The following UGDH variants were observed in gnomAD, a reference collection of about 807,000 sequenced individuals.
UGDH encodes UDP-Glc dehydrogenase.
Under a neutral mutation model 50.6 loss-of-function variants are expected in UGDH, and 38 were observed. That is an observed-to-expected ratio of 0.75 (90% CI 0.58 to 0.98). The LOEUF (loss-of-function observed/expected upper bound fraction) is 0.98, where lower values mean the gene tolerates loss of function less well. Among genes scored for constraint, UGDH ranks in the 50% least tolerant of loss-of-function variants. The pLI, the probability that UGDH is intolerant of heterozygous loss-of-function variation, is 0.00. For missense variants in UGDH, 465 were observed against 606.2 expected, an observed-to-expected ratio of 0.77 and a Z score of 2.45; for synonymous variants, 168 against 199.9, an observed-to-expected ratio of 0.84 and a Z score of 1.35.
intron 7 of UGDH, among the ~76,000 whole-genome samples, chr4:39,507,616 T>C (rs372244075): frequency 6.6e-6 from 1 of 152,066 alleles, no homozygotes; most frequent in African/African-American, 2.4e-5. Flanking sequence ...CGTTATAATA[T>C]AGGTTCTTAT....
chr4:39,524,434 T>C (rs1329928662), intron 1 of UGDH, among the ~76,000 whole-genome samples: 1 of 152,174 alleles, frequency 6.6e-6, no homozygotes, highest in Non-Finnish European at 1.5e-5. Context: ...TGAAGACTTC[T>C]GTGTAAATAG....
intron 2 of UGDH, among the ~76,000 whole-genome samples, chr4:39,515,493 T>G (rs944146783): frequency 1.1e-4 from 12 of 107,362 alleles, no homozygotes; most frequent in Non-Finnish European, 4.1e-5. Context: ...AAGGAACCCT[T>G]TTATTTAAAA....
chr4:39,509,721 A>G (rs982252575), intron 6 of UGDH, 39 bp downstream of exon 6: 1 of 1,584,450 alleles, frequency 6.3e-7, no homozygotes, highest in Non-Finnish European at 8.5e-7. Context: ...TCAGTAAATA[A>G]ACACTAGCTC....
chr4:39,506,586 A>AT (rs1375928408), intron 7 of UGDH, among the ~76,000 whole-genome samples: 2 of 152,194 alleles, frequency 1.3e-5, no homozygotes, highest in African/African-American at 4.8e-5. Flanking sequence ...CACCACAACT[A>AT]TTTGACAAGG....
intron 2 of UGDH, among the ~76,000 whole-genome samples, chr4:39,519,032 T>G (rs1364971316): frequency 6.6e-5 from 10 of 152,164 alleles, no homozygotes; most frequent in Admixed American, 6.5e-4. Context: ...TTCTCTCGCC[T>G]CAGCCTCCTG....
intron 1 of UGDH, among the ~76,000 whole-genome samples, chr4:39,524,084 T>C (rs1038848535): frequency 1.3e-5 from 2 of 152,298 alleles, no homozygotes; most frequent in East Asian, 1.9e-4. Flanking sequence ...TTAAACCCAG[T>C]ATATCTAGAA....
intron 6 of UGDH, among the ~76,000 whole-genome samples, chr4:39,509,442 T>C (rs764259031): frequency 6.6e-6 from 1 of 152,156 alleles, no homozygotes; most frequent in Admixed American, 6.5e-5. Flanking sequence ...TCCAATAAAA[T>C]TTATTTACAA....
intron 10 of UGDH, among the ~76,000 whole-genome samples, chr4:39,504,216 G>A (rs1237580187): frequency 6.6e-6 from 1 of 151,938 alleles, no homozygotes; most frequent in African/African-American, 2.4e-5. Flanking sequence ...GCTGAGGCAG[G>A]AGAATGGCGT....
intron 11 of UGDH, among the ~76,000 whole-genome samples, chr4:39,501,718 G>GT (rs1299627039): frequency 1.3e-5 from 2 of 152,178 alleles, no homozygotes; most frequent in East Asian, 3.8e-4. Context: ...AAGGGTCGTG[G>GT]TAAGTATTAA....
chr4:39,499,456 T>C lies in UGDH; in HGVS notation c.*687A>G. ...ATATCTTTAATGACAAACAAACCAA[T>C]AACCAGGAGGAATGAAGACTGTCCT... On this transcript the variant is annotated 3_prime_UTR_variant, in exon 12 of 12. Coordinates refer to ENST00000316423, the MANE Select transcript of UGDH (RefSeq NM_003359.4). The C allele has an allele frequency of 6.6e-6, 1 of 152,162 alleles. No individual in the cohort carries two copies. The highest frequency in any genetic ancestry group is 1.9e-4 in the East Asian group (1 of 5,196). The allele number at this position is 152,162 out of a possible 1,614,324, so 9.4% of individuals were successfully genotyped here. A position where few individuals can be genotyped will look rare whatever the true frequency, so the allele number is the denominator to read the frequency against.
intron 11 of UGDH, among the ~76,000 whole-genome samples, chr4:39,500,535 G>T (rs1745757607): frequency 6.6e-6 from 1 of 151,896 alleles, no homozygotes; most frequent in African/African-American, 2.4e-5. Flanking sequence ...ACTGTCTTTA[G>T]AAACATGTAT....
chr4:39,520,845 G>A (rs145217440), intron 2 of UGDH, among the ~76,000 whole-genome samples: 64 of 151,664 alleles, frequency 4.2e-4, no homozygotes, highest in African/African-American at 8.7e-4. Flanking sequence ...AGGCCGGGGC[G>A]GGCAGATCAC....
chr4:39,500,262 A>G lies in UGDH; in HGVS notation c.1375-9T>C, dbSNP rs748182710. ...TTGCCAATTGTTTCAATCTGAAAAA[A>G]AAATAAAATTTAAGAGAACTATTAA... On this transcript the variant is annotated splice_polypyrimidine_tract_variant and intron_variant, in intron 11 of 11. Coordinates refer to ENST00000316423, the MANE Select transcript of UGDH (RefSeq NM_003359.4). The G allele has an allele frequency of 1.9e-6, 3 of 1,540,256 alleles. No homozygotes were observed. In the African/African-American group the frequency reaches 4.1e-5, roughly 21 times the overall value.
intron 1 of UGDH, among the ~76,000 whole-genome samples, chr4:39,524,381 T>A (rs1196603471): frequency 6.6e-6 from 1 of 152,210 alleles, no homozygotes; most frequent in African/African-American, 2.4e-5. Context: ...GATTATTAAT[T>A]GAATGAATGA....
Position 39,500,117 on chromosome 4 carries a change from AAAAT to A in UGDH, c.*22_*25del. On this transcript the variant is annotated 3_prime_UTR_variant, in exon 12 of 12. Coordinates refer to ENST00000316423, the MANE Select transcript of UGDH (RefSeq NM_003359.4). The stretch of plus-strand genomic sequence containing the variant: ...CCTGAAGTACCAAAAAAAAAAAAAA[AAAAT>A]CACAAATAAAAATGGCAATCTCTAC... 2 of 1,436,774 alleles carry A rather than the reference AAAAT, an allele frequency of 1.4e-6. No individual in the cohort carries two copies. The highest frequency in any genetic ancestry group is 2.1e-5 in the Admixed American group (1 of 47,560). The allele number at this position is 1,436,774 out of a possible 1,614,324, so 89.0% of individuals were successfully genotyped here.
chr4:39,500,342 T>A (rs1049995900), intron 11 of UGDH, 89 bp from the exon 12 acceptor site: 9 of 776,804 alleles, frequency 1.2e-5, no homozygotes, highest in Non-Finnish European at 1.8e-5. Context: ...AGGGGGAATC[T>A]AGATTTTTTT....
intron 7 of UGDH, 114 bp from the exon 8 acceptor site, chr4:39,505,862 T>A: frequency 1.8e-6 from 2 of 1,091,340 alleles, no homozygotes; most frequent in Non-Finnish European, 2.4e-6. Context: ...GCTTACATAT[T>A]AACAAGAGGC....
intron 1 of UGDH, among the ~76,000 whole-genome samples, chr4:39,523,799 T>C (rs1225493629): frequency 1.9e-3 from 282 of 145,010 alleles, no homozygotes; most frequent in African/African-American, 6.9e-3. Flanking sequence ...AGCACGAAAC[T>C]CCATCTCAAA....
chr4:39,503,484 C>T (rs1745906357), intron 11 of UGDH, among the ~76,000 whole-genome samples: 1 of 152,202 alleles, frequency 6.6e-6, no homozygotes, highest in Non-Finnish European at 1.5e-5. Context: ...TGACCAAGAC[C>T]TCTTTCTTTC....
Sources: allele counts gnomAD v4.1 joint callset (sites outside exome capture counted in the v4.1 genomes callset), GRCh38; gene constraint gnomAD v4.1.1; transcripts MANE v1.5; gene names NCBI Gene and HGNC (gene_info 2026-07-23, HGNC 2026-07-21).